The following SH3TC1 variants were observed in gnomAD, a reference collection of about 807,000 sequenced individuals.
SH3TC1 encodes the protein SH3 domain and tetratricopeptide repeats 1.
In SH3TC1, 135 loss-of-function variants were observed where a neutral mutation model predicts 117.3. The ratio of observed to expected loss-of-function variants is 1.15; its 90% CI spans 1.00 to 1.33. The LOEUF is 1.33. SH3TC1 is among the 40% of genes most tolerant of loss of function. The probability of loss-of-function intolerance (pLI) is 0.00; values close to 1 mark genes in which losing one functional copy is unlikely to be tolerated. For synonymous variants in SH3TC1, 898 were observed against 816.9 expected (o/e 1.10, Z -1.69); for missense variants, 2,092 against 1,794.3 (o/e 1.17, Z -3.00).
intron 3 of SH3TC1, 111 bp from the exon 4 acceptor site, chr4:8,212,590 A>G (rs1174519712): frequency 3.4e-6 from 5 of 1,474,858 alleles, no homozygotes; most frequent in African/African-American, 1.4e-5. Flanking sequence ...CTCACTGCCC[A>G]GGCCTTCGGG....
At chr4:8,214,606 G>T (rs774580005) in intron 5 of SH3TC1, 26 bp downstream of exon 5, 6 of 1,593,954 alleles carry the variant, frequency 3.8e-6, no homozygotes, top group Middle Eastern at 1.7e-4. Context: ...TCCCAGAATT[G>T]GTCATGGGGA....
chr4:8,239,822 G>A (rs1038105020), intron 17 of SH3TC1, among the ~76,000 whole-genome samples: 6 of 152,240 alleles, frequency 3.9e-5, no homozygotes, highest in African/African-American at 1.4e-4. Flanking sequence ...AGGTCCCCCA[G>A]AGGAGCAGGG....
At position 8,186,943 on chromosome 4, in the gene SH3TC1, CAA is replaced by C. The variant is rs542632113; in HGVS notation, c.-57+4750_-57+4751del. ...TGGGTGACAGGGCAAGACTACGTCT[CAA>C]AAAAAAAAAAAAAAAAGGACATGCT... is the stretch of plus-strand genomic sequence containing the variant. On this transcript the variant is annotated intron_variant, in intron 1 of 16. Transcript: ENST00000508641. This position sits in a 1 kb window ranked among gnomAD's most constrained non-coding sequence, Gnocchi z 5.2. 0.014 allele frequency among the ~76,000 whole-genome samples: 1,237 copies of C among 88,176 alleles called. 10 individuals are homozygous for C. The highest frequency in any genetic ancestry group is 0.023 in the African/African-American group (570 of 24,380). 57.8% of individuals were successfully genotyped at this position (88,176 alleles called of 152,430 possible). A position where few individuals can be genotyped will look rare whatever the true frequency, so the allele number is the denominator to read the frequency against.
intron 5 of SH3TC1, among the ~76,000 whole-genome samples, chr4:8,215,002 C>T (rs2152984966): frequency 6.6e-6 from 1 of 152,316 alleles, no homozygotes; most frequent in Non-Finnish European, 1.5e-5. Context: ...CAGGCAGGCT[C>T]ACAAAGGCCT....
intron 13 of SH3TC1, 179 bp downstream of exon 13, chr4:8,232,335 C>T (rs1721311257): frequency 6.5e-7 from 1 of 1,537,028 alleles, no homozygotes; most frequent in South Asian, 1.1e-5. Context: ...TGCTGATGAC[C>T]CGTGAGTCCC....
At chr4:8,217,749 G>A (rs928135032) in intron 7 of SH3TC1, among the ~76,000 whole-genome samples, 1 of 152,264 alleles carries the variant, frequency 6.6e-6, no homozygotes, top group African/African-American at 2.4e-5. Flanking sequence ...GGCCAGTGGT[G>A]TCCCAACAGG....
chr4:8,228,508 T>A lies in SH3TC1; in HGVS notation c.2814T>A (p.Leu938=), dbSNP rs1281151. Reference sequence around the variant, plus strand: ...TGCGGCTGTTCTCGAGGCTGCCCCTTGGGGAGTGTGGCCGGGACTTCACCC... The same window carrying A: ...TGCGGCTGTTCTCGAGGCTGCCCCTAGGGGAGTGTGGCCGGGACTTCACCC... ...EAVRLFSRLP[L]GECGRDFTHV... The change falls in exon 12 of 18, where the codon CTT becomes CTA. Residue 938 remains leucine, a synonymous_variant. Coordinates refer to ENST00000245105, the MANE Select transcript of SH3TC1 (RefSeq NM_018986.5). 3 of 1,611,142 alleles carry A rather than the reference T, an allele frequency of 1.9e-6. No individual in the cohort carries two copies. The highest frequency in any genetic ancestry group is 2.5e-6 in the Non-Finnish European group (3 of 1,179,464).
intron 1 of SH3TC1, among the ~76,000 whole-genome samples, chr4:8,203,745 A>C (rs1717989223): frequency 6.6e-6 from 1 of 151,984 alleles, no homozygotes; most frequent in South Asian, 2.1e-4. Context: ...TCCTGGCTTG[A>C]AGCTCCCAGG....
chr4:8,218,733 C>T (rs1383390380), intron 8 of SH3TC1, among the ~76,000 whole-genome samples: 2 of 152,252 alleles, frequency 1.3e-5, no homozygotes, highest in Non-Finnish European at 2.9e-5. Flanking sequence ...CCTGGAAGGC[C>T]CTGGGCCGAG....
intron 12 of SH3TC1, among the ~76,000 whole-genome samples, chr4:8,229,962 C>T (rs57641266): frequency 0.24 from 29,950 of 123,602 alleles, 3,296 homozygotes; most frequent in Non-Finnish European, 0.33. Context: ...GGCCAGGGGA[C>T]GAGGATCATG....
At chr4:8,214,715 G>C in intron 5 of SH3TC1, 135 bp downstream of exon 5, 1 of 722,120 alleles carries the variant, frequency 1.4e-6, no homozygotes. Flanking sequence ...ACGAAGTCTT[G>C]CTCTGTCGCC....
Position 8,228,356 on chromosome 4 carries a change from C to G in SH3TC1, c.2662C>G (p.Arg888Gly), listed in dbSNP as rs368970503. 6 of 1,611,664 alleles carry G rather than the reference C, an allele frequency of 3.7e-6. No individual in the cohort carries two copies. The African/African-American group carries it at 4.0e-5, about 11-fold the overall frequency. Residue 888 changes from arginine to glycine, a missense_variant, in exon 12 of 18, where the codon CGC becomes GGC. Coordinates refer to ENST00000245105, the MANE Select transcript of SH3TC1 (RefSeq NM_018986.5). ...GAGGCAGGCAGCTGAGAGCTACTAC[C>G]GCGCCCTGCGGGTGGCTCGGGACCT... is the stretch of plus-strand genomic sequence containing the variant. Reference protein sequence around the residue: ...RTRQAAESYYRALRVARDLGQ... With the variant: ...RTRQAAESYYGALRVARDLGQ...
Position 8,214,706 on chromosome 4 carries a change from C to T in SH3TC1, c.481+126C>T, listed in dbSNP as rs755530887. The T allele has an allele frequency of 6.3e-5, 49 of 780,558 alleles. 1 individual carries two copies. Among genetic ancestry groups the T allele is most frequent in the East Asian group, 3.9e-4 (14 of 36,234 alleles). 48.4% of individuals were successfully genotyped at this position (780,558 alleles called of 1,614,324 possible). ...TATTTATTGATGTATTGTTTTAAGA[C>T]GAAGTCTTGCTCTGTCGCCCAGGCT... On this transcript the variant is annotated intron_variant, in intron 5 of 17. Transcript: ENST00000245105.
chr4:8,240,873 A>G lies in SH3TC1; in HGVS notation c.3929A>G (p.Glu1310Gly), dbSNP rs1373526163. The change falls in exon 18 of 18, where the codon GAG (glutamate) becomes GGG (glycine). Residue 1310 changes from glutamate to glycine, a missense_variant. Physicochemically the swap from Glu to Gly is moderately conservative, Grantham distance 98 (BLOSUM62 -2). Coordinates refer to ENST00000245105, the MANE Select transcript of SH3TC1 (RefSeq NM_018986.5). ...FYQKARTFAT[E>G]LNVRRVNLPP... is the part of the protein sequence containing the mutation. ...CAGAAGGCCAGGACCTTCGCCACAG[A>G]GCTCAACGTCCGCAGGGTCAACCTG... 9 of 1,613,500 alleles carry G rather than the reference A, an allele frequency of 5.6e-6. No individual in the cohort carries two copies. Among genetic ancestry groups the G allele is most frequent in the Non-Finnish European group, 7.6e-6 (9 of 1,180,028 alleles).
At chr4:8,185,441 T>C (rs1477859265) in intron 1 of SH3TC1, among the ~76,000 whole-genome samples, 3 of 152,134 alleles carry the variant, frequency 2.0e-5, no homozygotes, top group Non-Finnish European at 4.4e-5. Flanking sequence ...TCATCCAGAA[T>C]AGTTTCAGCA....
chr4:8,240,223 A>G (rs1722209293), intron 17 of SH3TC1, among the ~76,000 whole-genome samples: 1 of 152,176 alleles, frequency 6.6e-6, no homozygotes, highest in South Asian at 2.1e-4. Context: ...CACTCCGTCA[A>G]TATTTCAGGG....
intron 1 of SH3TC1, among the ~76,000 whole-genome samples, chr4:8,201,061 C>T (rs1048174546): frequency 9.8e-5 from 15 of 152,288 alleles, no homozygotes; most frequent in East Asian, 1.9e-4. Flanking sequence ...CCCCAGGATG[C>T]GAGGTGACAA....
chr4:8,210,603 C>A lies in SH3TC1; in HGVS notation c.247+781C>A, dbSNP rs1718576450. ...CCTGGCCCATATGGTGAAACCCCAT[C>A]TCTACTAAAAATACAAAAATTAGCT... On this transcript the variant is annotated intron_variant, in intron 3 of 17. Coordinates refer to ENST00000245105, the MANE Select transcript of SH3TC1 (RefSeq NM_018986.5). This position sits in a 1 kb window ranked among gnomAD's most constrained non-coding sequence, Gnocchi z 4.1. 6.6e-6 allele frequency among the ~76,000 whole-genome samples: 1 copy of A among 152,108 alleles called. No individual in the cohort carries two copies. The highest frequency in any genetic ancestry group is 1.5e-5 in the Non-Finnish European group (1 of 68,010).
At chr4:8,198,973 G>C (rs141401797), upstream of SH3TC1, among the ~76,000 whole-genome samples, 470 of 152,338 alleles carry the variant, frequency 3.1e-3, 5 homozygotes, top group African/African-American at 0.011. Context: ...AATGGAAGAG[G>C]AACAGAGATC....
Sources: allele counts gnomAD v4.1 joint callset (sites outside exome capture counted in the v4.1 genomes callset), GRCh38; gene constraint gnomAD v4.1.1; non-coding constraint Gnocchi (gnomAD v3.1); transcripts MANE v1.5; gene names NCBI Gene and HGNC (gene_info 2026-07-23, HGNC 2026-07-21).